CTNNA3: variants seen among roughly 807,000 people sequenced by gnomAD.
The protein encoded by CTNNA3 is catenin alpha 3.
A neutral mutation model predicts 95.7 loss-of-function variants in CTNNA3; 76 were observed. That is an observed-to-expected ratio of 0.79 (90% CI 0.66 to 0.96). CTNNA3 has a LOEUF of 0.96. CTNNA3 is among the 40% of genes least tolerant of loss of function. The probability of loss-of-function intolerance (pLI) is 0.00; values close to 1 mark genes in which losing one functional copy is unlikely to be tolerated. For missense variants in CTNNA3, 1,191 were observed against 1,089.8 expected (o/e 1.09, Z -1.31); for synonymous variants, 431 against 374.4 (o/e 1.15, Z -1.74).
Position 66,360,804 on chromosome 10 carries a change from C to CCTTTCTTT in CTNNA3, c.1732+18347_1732+18348insAAAGAAAG, listed in dbSNP as rs1491376070. 4.3e-5 allele frequency among the ~76,000 whole-genome samples: 3 copies of CCTTTCTTT among 69,886 alleles called. No homozygotes were observed. In the South Asian group the frequency reaches 2.8e-3, roughly 65 times the overall value. The allele number at this position is 69,886 out of a possible 152,430, so 45.8% of individuals were successfully genotyped here. ...TTCTTTCTTCCTTCCTTCCTTCCTT[C>CCTTTCTTT]CTTCCTTCCTTCCTTTCTTTCTTTC... is the stretch of plus-strand genomic sequence containing the variant. On this transcript the variant is annotated intron_variant, in intron 12 of 17. Coordinates refer to ENST00000433211, the MANE Select transcript of CTNNA3 (RefSeq NM_013266.4).
At chr10:67,160,626 G>GTATAAAAT (rs1861497983) in intron 7 of CTNNA3, among the ~76,000 whole-genome samples, 1 of 151,690 alleles carries the variant, frequency 6.6e-6, no homozygotes, top group Non-Finnish European at 1.5e-5. Flanking sequence ...TTGTAGAAAC[G>GTATAAAAT]GGGTTTTGCC....
At chr10:67,710,313 C>T (rs1261063416) in intron 1 of CTNNA3, among the ~76,000 whole-genome samples, 1 of 152,030 alleles carries the variant, frequency 6.6e-6, no homozygotes, top group Non-Finnish European at 1.5e-5. Context: ...ATAGCAATTG[C>T]CTGGACAAGA....
At chr10:66,504,472 C>T (rs748166537) in intron 11 of CTNNA3, among the ~76,000 whole-genome samples, 1 of 152,062 alleles carries the variant, frequency 6.6e-6, no homozygotes, top group Non-Finnish European at 1.5e-5. Context: ...CTATCTAGAC[C>T]CACTTGGATA....
At chr10:67,739,182 C>T (rs1445640281) in intron 1 of CTNNA3, among the ~76,000 whole-genome samples, 1 of 152,116 alleles carries the variant, frequency 6.6e-6, no homozygotes, top group Non-Finnish European at 1.5e-5. Flanking sequence ...ATGGTAAGGG[C>T]AGCCAGAGAG....
intron 11 of CTNNA3, among the ~76,000 whole-genome samples, chr10:66,519,207 C>T (rs1416629099): frequency 1.3e-5 from 2 of 152,054 alleles, no homozygotes; most frequent in Non-Finnish European, 2.9e-5. Flanking sequence ...GTTCTTACAA[C>T]ACAAACAAAA....
chr10:66,801,680 C>G (rs1841438290), intron 7 of CTNNA3, among the ~76,000 whole-genome samples: 5 of 151,366 alleles, frequency 3.3e-5, no homozygotes, highest in Admixed American at 3.3e-4. Context: ...TCCAATCTGC[C>G]AAGATTACTC....
intron 7 of CTNNA3, among the ~76,000 whole-genome samples, chr10:67,063,754 T>G (rs1172337753): frequency 6.6e-6 from 1 of 152,206 alleles, no homozygotes. Context: ...TCTTACATAC[T>G]CTCTTATCAG....
intron 7 of CTNNA3, among the ~76,000 whole-genome samples, chr10:66,839,675 T>A (rs367823485): frequency 6.6e-6 from 1 of 152,138 alleles, no homozygotes; most frequent in East Asian, 1.9e-4. Context: ...TATTCAGATG[T>A]CAATCTCCTA....
intron 7 of CTNNA3, among the ~76,000 whole-genome samples, chr10:67,014,594 G>T (rs375055111): frequency 1.3e-5 from 2 of 152,026 alleles, no homozygotes; most frequent in South Asian, 2.1e-4. Flanking sequence ...ATTTGCCAAA[G>T]ACTTTCTTTA....
intron 7 of CTNNA3, among the ~76,000 whole-genome samples, chr10:67,014,620 A>T (rs12771360): frequency 0.32 from 48,298 of 152,034 alleles, 8,017 homozygotes; most frequent in Middle Eastern, 0.49. Flanking sequence ...TAATGGAAAA[A>T]AATTCTAAAG....
At chr10:66,343,472 G>GAACA (rs1417320370) in intron 12 of CTNNA3, among the ~76,000 whole-genome samples, 1 of 151,034 alleles carries the variant, frequency 6.6e-6, no homozygotes, top group Admixed American at 6.6e-5. Context: ...AATAAGCCAA[G>GAACA]AACAAAAAGT....
intron 7 of CTNNA3, among the ~76,000 whole-genome samples, chr10:66,781,523 G>T (rs1324252156): frequency 6.6e-6 from 1 of 152,102 alleles, no homozygotes; most frequent in Non-Finnish European, 1.5e-5. Context: ...ACCTGATGGG[G>T]CATGCTAAAT....
chr10:67,130,354 C>T (rs891863904), intron 7 of CTNNA3, among the ~76,000 whole-genome samples: 16 of 152,002 alleles, frequency 1.1e-4, no homozygotes, highest in African/African-American at 1.7e-4. Context: ...GAGAAGCCAC[C>T]CTCTATGAGG....
chr10:65,972,610 T>C (rs1476584132), intron 16 of CTNNA3, among the ~76,000 whole-genome samples: 2 of 151,708 alleles, frequency 1.3e-5, no homozygotes, highest in Admixed American at 1.3e-4. Context: ...AATAAATAAA[T>C]AAAACACCTA....
At chr10:67,618,770 C>T (rs1843737097) in intron 2 of CTNNA3, among the ~76,000 whole-genome samples, 1 of 152,102 alleles carries the variant, frequency 6.6e-6, no homozygotes. Flanking sequence ...AAATTAAATA[C>T]TTATATTCAG....
chr10:67,104,371 G>A (rs910687271), intron 7 of CTNNA3, among the ~76,000 whole-genome samples: 4 of 151,754 alleles, frequency 2.6e-5, no homozygotes, highest in African/African-American at 9.7e-5. Context: ...CATCAAAAGA[G>A]GCTGAAAGAT....
At chr10:66,963,903 C>T (rs904223577) in intron 7 of CTNNA3, among the ~76,000 whole-genome samples, 14 of 150,772 alleles carry the variant, frequency 9.3e-5, no homozygotes, top group African/African-American at 2.7e-4. Context: ...AGTGCAGTGG[C>T]GCAATCTCGG....
At chr10:66,100,094 G>A (rs2081557810) in intron 14 of CTNNA3, among the ~76,000 whole-genome samples, 1 of 151,978 alleles carries the variant, frequency 6.6e-6, no homozygotes, top group Admixed American at 6.6e-5. Flanking sequence ...AGTTTGTTTT[G>A]GAAATAGATA....
At chr10:66,442,573 T>A (rs1437935101) in intron 11 of CTNNA3, among the ~76,000 whole-genome samples, 1 of 152,174 alleles carries the variant, frequency 6.6e-6, no homozygotes, top group Non-Finnish European at 1.5e-5. Context: ...CTCATATTGT[T>A]TGCACCAAAG....
Sources: allele counts gnomAD v4.1 joint callset (sites outside exome capture counted in the v4.1 genomes callset), GRCh38; gene constraint gnomAD v4.1.1; transcripts MANE v1.5; gene names NCBI Gene and HGNC (gene_info 2026-07-23, HGNC 2026-07-21).